Variants in CES5A observed in about 807,000 individuals in gnomAD.
CES5A encodes the protein carboxylesterase 5.
A neutral mutation model predicts 62.9 loss-of-function variants in CES5A; 67 were observed. That is an observed-to-expected ratio of 1.07 (90% CI 0.88 to 1.31). CES5A has a LOEUF of 1.31. Among genes scored for constraint, CES5A ranks in the 50% most tolerant of loss-of-function variants. The pLI, the probability that CES5A is intolerant of heterozygous loss-of-function variation, is 0.00. For synonymous variants in CES5A, 296 were observed against 280.8 expected (o/e 1.05, Z -0.54); for missense variants, 748 against 708.5 (o/e 1.06, Z -0.63).
chr16:55,904,712 G>A lies in CES5A; in HGVS notation c.-256+20611C>T, dbSNP rs150173470. On this transcript the variant is annotated intron_variant, in intron 1 of 12. Coordinates refer to the CES5A transcript ENST00000518005. ...AAAATTCAGTGATTTACCTATAGTA[G>A]CACAGCTAATAAGTGACAAAGTAAA... Among the ~76,000 whole-genome samples, 129 of 152,274 alleles carry A rather than the reference G, an allele frequency of 8.5e-4. 1 individual carries two copies. The highest frequency in any genetic ancestry group is 2.9e-3 in the African/African-American group (121 of 41,550).
intron 8 of CES5A, among the ~76,000 whole-genome samples, chr16:55,858,931 C>A: frequency 6.6e-6 from 1 of 152,172 alleles, no homozygotes; most frequent in East Asian, 1.9e-4. Flanking sequence ...GATACCTTCT[C>A]TCCTCACTTG....
intron 1 of CES5A, among the ~76,000 whole-genome samples, chr16:55,918,101 A>C (rs1426562151): frequency 6.6e-5 from 10 of 152,182 alleles, no homozygotes; most frequent in Non-Finnish European, 1.5e-5. Context: ...GGGCAGGCAC[A>C]GAGGTACCTG....
intron 11 of CES5A, among the ~76,000 whole-genome samples, chr16:55,849,082 A>AT (rs1279367559): frequency 6.6e-6 from 1 of 152,114 alleles, no homozygotes; most frequent in Admixed American, 6.6e-5. Flanking sequence ...CTTCCCTGTA[A>AT]TTTTTTTCTA....
chr16:55,932,945 T>G (rs74329632), intron 2 of CES5A, among the ~76,000 whole-genome samples: 1 of 152,184 alleles, frequency 6.6e-6, no homozygotes, highest in Non-Finnish European at 1.5e-5. Context: ...GCAATGATGA[T>G]GGAAGTTCAG....
chr16:55,885,149 TC>T (rs1227893535), intron 1 of CES5A, among the ~76,000 whole-genome samples: 1 of 152,190 alleles, frequency 6.6e-6, no homozygotes, highest in African/African-American at 2.4e-5. Flanking sequence ...GGCTTTGTTC[TC>T]CATGTATTTT....
chr16:55,924,233 C>A (rs2034237125), intron 1 of CES5A, among the ~76,000 whole-genome samples: 1 of 151,744 alleles, frequency 6.6e-6, no homozygotes, highest in East Asian at 1.9e-4. Context: ...TTGCAGGATA[C>A]AAAATCAACA....
chr16:55,931,582 C>A (rs567346322), intron 2 of CES5A, among the ~76,000 whole-genome samples: 127 of 152,186 alleles, frequency 8.3e-4, no homozygotes, highest in Non-Finnish European at 1.5e-3. Flanking sequence ...ACCCTATTCT[C>A]ACCCCTCTGA....
Position 55,873,819 on chromosome 16 carries a change from G to C in CES5A, c.278+14C>G. On this transcript the variant is annotated intron_variant, in intron 2 of 12. Coordinates refer to ENST00000290567, the MANE Select transcript of CES5A (RefSeq NM_001143685.2). Reference sequence around the variant, plus strand: ...AGAGTCACAAACCACCCGTGGGCCCGAACCTGGTCTTACAAATTAGGGTAG... The same window carrying C: ...AGAGTCACAAACCACCCGTGGGCCCCAACCTGGTCTTACAAATTAGGGTAG... The C allele has an allele frequency of 6.2e-7, 1 of 1,607,354 alleles. No homozygotes were observed. Among genetic ancestry groups the C allele is most frequent in the Non-Finnish European group, 8.5e-7 (1 of 1,176,042 alleles).
chr16:55,905,205 G>A (rs951689937), intron 1 of CES5A, among the ~76,000 whole-genome samples: 4 of 152,024 alleles, frequency 2.6e-5, no homozygotes, highest in Non-Finnish European at 4.4e-5. Flanking sequence ...ATGTTTCCCA[G>A]GCTCTGCATC....
intron 1 of CES5A, among the ~76,000 whole-genome samples, chr16:55,920,125 T>G (rs2142458463): frequency 6.6e-6 from 1 of 152,252 alleles, no homozygotes; most frequent in African/African-American, 2.4e-5. Flanking sequence ...GAGATAGTTT[T>G]GGGGGCTGCA....
Position 55,846,630 on chromosome 16 carries a change from G to A in CES5A, c.1549C>T (p.Gln517Ter), listed in dbSNP as rs768417250. Reference protein sequence around the residue: ...SLWPAYNLTEQYLQLDLNMSL... With the variant: ...SLWPAYNLTE ...ATGTTCAAGTCCAGCTGGAGGTACT[G>A]CTCAGTCAGATTATAAGCTGGCCAC... Residue 517 changes from glutamine (Q) to a stop codon, truncating the protein, a stop_gained, in exon 13 of 13, where the codon CAG (glutamine) becomes TAG (stop). Coordinates refer to ENST00000290567, the MANE Select transcript of CES5A (RefSeq NM_001143685.2). LOFTEE classifies it low-confidence loss of function (END_TRUNC). 9.3e-6 allele frequency: 15 copies of A among 1,614,042 alleles called. No individual in the cohort carries two copies. Among genetic ancestry groups the A allele is most frequent in the Non-Finnish European group, 1.1e-5 (13 of 1,180,018 alleles).
In CES5A at chr16:55,849,706, T is replaced by G. The variant is rs2160276; in HGVS notation, c.1341A>C (p.Pro447=). The change falls in exon 11 of 13, where the codon CCA becomes CCC. Residue 447 remains proline (P), a synonymous_variant. Transcript: ENST00000290567. Reference sequence around the variant, plus strand: ...CAGCGTGGTCGGCTTTGACAAAAGCTGGCTTCGTGTCTTCAAAGCACTGAG... The same window carrying G: ...CAGCGTGGTCGGCTTTGACAAAAGCGGGCTTCGTGTCTTCAAAGCACTGAG... ...HRPQCFEDTK[P]AFVKADHADE... 4 of 1,613,754 alleles carry G rather than the reference T, an allele frequency of 2.5e-6. No homozygotes were observed. The Admixed American group carries it at 6.7e-5, about 27-fold the overall frequency.
chr16:55,862,549 A>G (rs1326779908), intron 6 of CES5A, among the ~76,000 whole-genome samples: 2 of 152,248 alleles, frequency 1.3e-5, no homozygotes, highest in Non-Finnish European at 2.9e-5. Context: ...CAAACTGAAA[A>G]TAGCTTTATG....
chr16:55,861,483 C>A lies in CES5A; in HGVS notation c.844G>T (p.Ala282Ser). The change falls in exon 7 of 13, where the codon GCG (alanine) becomes TCG (serine). Residue 282 changes from alanine to serine, a missense_variant. Transcript: ENST00000290567. ...QVVAHFCGNN[A>S]SDSEALLRCL... Reference sequence around the variant, plus strand: ...CTCAGCAGGGCCTCAGAGTCTGACGCATTGTTACCACAGAAATGTGCAACC... The same window carrying A: ...CTCAGCAGGGCCTCAGAGTCTGACGAATTGTTACCACAGAAATGTGCAACC... 6.2e-7 allele frequency: 1 copy of A among 1,613,846 alleles called. No homozygotes were observed. Among genetic ancestry groups the A allele is most frequent in the Non-Finnish European group, 8.5e-7 (1 of 1,179,746 alleles).
intron 5 of CES5A, among the ~76,000 whole-genome samples, chr16:55,863,908 C>A (rs547302726): frequency 6.6e-6 from 1 of 152,068 alleles, no homozygotes; most frequent in Non-Finnish European, 1.5e-5. Flanking sequence ...AGGTGCGCAC[C>A]ACCACGCCCA....
At chr16:55,947,630 G>A (rs1385790292) in intron 2 of CES5A, among the ~76,000 whole-genome samples, 1 of 152,122 alleles carries the variant, frequency 6.6e-6, no homozygotes, top group African/African-American at 2.4e-5. Context: ...CAAAGTTGGG[G>A]TTGTAGGGAG....
Position 55,875,281 on chromosome 16 carries a change from AG to A in CES5A, c.-61del. ...GCGGCTGCTGGCCTCAGAGAGCTTC[AG>A]TTGGGAGCCAGAAAGAGCTTCCTGT... On this transcript the variant is annotated 5_prime_UTR_variant, in exon 1 of 13. In the 5' UTR this introduces an upstream ATG that the reference lacks. Coordinates refer to ENST00000290567, the MANE Select transcript of CES5A (RefSeq NM_001143685.2). The A allele has an allele frequency of 1.3e-6, 2 of 1,587,070 alleles. No individual in the cohort carries two copies. Among genetic ancestry groups the A allele is most frequent in the South Asian group, 2.3e-5 (2 of 87,522 alleles).
At chr16:55,923,021 T>C (rs2034223968) in intron 1 of CES5A, among the ~76,000 whole-genome samples, 1 of 151,636 alleles carries the variant, frequency 6.6e-6, no homozygotes, top group Non-Finnish European at 1.5e-5. Context: ...TAACTATATA[T>C]GGGATACAGC....
chr16:55,888,167 C>A (rs1309961688), intron 1 of CES5A, among the ~76,000 whole-genome samples: 1 of 152,178 alleles, frequency 6.6e-6, no homozygotes, highest in African/African-American at 2.4e-5. Flanking sequence ...ACAGGTATCT[C>A]TGGTGTTCCA....
Sources: gnomAD v4.1 joint callset for allele counts (sites outside exome capture counted in the v4.1 genomes callset) on GRCh38, gnomAD v4.1.1 for gene constraint, MANE v1.5 for transcripts, NCBI Gene and HGNC (gene_info 2026-07-23, HGNC 2026-07-21) for gene names.